Variants in PTPN3 observed in about 807,000 individuals in gnomAD.
The protein encoded by PTPN3 is protein tyrosine phosphatase non-receptor type 3.
PTPN3 carries 96 observed loss-of-function variants against 132.7 expected under a neutral mutation model. The ratio of observed to expected loss-of-function variants is 0.72; its 90% confidence interval spans 0.61 to 0.86. The LOEUF is 0.86. Among genes scored for constraint, PTPN3 ranks in the 40% least tolerant of loss-of-function variants. The pLI is 0.00. For synonymous variants in PTPN3, 398 were observed against 429.0 expected (o/e 0.93, Z 0.89); for missense variants, 1,125 against 1,159.6 (o/e 0.97, Z 0.43).
intron 9 of PTPN3, among the ~76,000 whole-genome samples, chr9:109,435,459 C>A (rs1004712759): frequency 6.6e-6 from 1 of 152,148 alleles, no homozygotes; most frequent in African/African-American, 2.4e-5. Context: ...GAAGCAGCCT[C>A]GACTGCTGAG....
chr9:109,526,737 G>T, the PTPN3 span, among the ~76,000 whole-genome samples: 2 of 152,128 alleles, frequency 1.3e-5, no homozygotes, highest in Admixed American at 1.3e-4. Flanking sequence ...GGCAATAGAA[G>T]AAGATGAACA....
chr9:109,522,977 A>T, the PTPN3 span, among the ~76,000 whole-genome samples: 36 of 152,140 alleles, frequency 2.4e-4, no homozygotes, highest in South Asian at 4.2e-4. Flanking sequence ...AAGTTTACTT[A>T]GCTGTTCTAT....
chr9:109,478,891 G>A (rs545335969), intron 1 of PTPN3, among the ~76,000 whole-genome samples: 14 of 152,296 alleles, frequency 9.2e-5, no homozygotes, highest in South Asian at 2.1e-4. Flanking sequence ...GTGACCCAGC[G>A]GCAGGGCAGA....
rs1564361665 is a variant in PTPN3 at position 109,377,437 on chromosome 9, C to CACACACACACAA, written c.*2118_*2119insTTGTGTGTGTGT. 1 of 148,488 alleles carries CACACACACACAA rather than the reference C, an allele frequency of 6.7e-6. No individual in the cohort carries two copies. The highest frequency in any genetic ancestry group is 2.6e-5 in the African/African-American group (1 of 39,070). The allele number at this position is 148,488 out of a possible 1,614,324, so 9.2% of individuals were successfully genotyped here. On this transcript the variant is annotated 3_prime_UTR_variant, in exon 26 of 26. Coordinates refer to ENST00000374541, the MANE Select transcript of PTPN3 (RefSeq NM_002829.4). ...ACACACACACACACACACACACACA[C>CACACACACACAA]ACACACACACACACACACACAAGCC...
intron 19 of PTPN3, among the ~76,000 whole-genome samples, chr9:109,395,854 ATTTTT>A (rs200143586): frequency 4.7e-5 from 5 of 106,106 alleles, no homozygotes; most frequent in Admixed American, 1.0e-4. Flanking sequence ...TCAAGTTCCT[ATTTTT>A]TTTTTTTTTT....
At chr9:109,424,547 C>T (rs777418136) in intron 12 of PTPN3, among the ~76,000 whole-genome samples, 1 of 152,242 alleles carries the variant, frequency 6.6e-6, no homozygotes, top group Non-Finnish European at 1.5e-5. Context: ...ACGGTTCTGC[C>T]TTTCGCTCCT....
rs910633624 is a variant in PTPN3, at chr9:109,433,238, G to A, written c.676-77C>T. The A allele has an allele frequency of 2.7e-5, 43 of 1,579,214 alleles. No individual in the cohort carries two copies. The Middle Eastern group carries it at 6.7e-4, about 24-fold the overall frequency. ...CCTCTGGTGACTTTAAAGCACCCACGCTGTTATAAATAGTCATATGTATAG... is the reference window on the plus strand; with the variant it reads ...CCTCTGGTGACTTTAAAGCACCCACACTGTTATAAATAGTCATATGTATAG... On this transcript the variant is annotated intron_variant, in intron 9 of 25. Coordinates refer to ENST00000374541, the MANE Select transcript of PTPN3 (RefSeq NM_002829.4).
intron 2 of PTPN3, among the ~76,000 whole-genome samples, chr9:109,462,161 G>A (rs1845873584): frequency 6.6e-6 from 1 of 152,234 alleles, no homozygotes; most frequent in African/African-American, 2.4e-5. Context: ...TCTCTGCCAG[G>A]CGAAGGGCCC....
At chr9:109,497,142 G>C (rs966418961) in intron 1 of PTPN3, among the ~76,000 whole-genome samples, 3 of 152,046 alleles carry the variant, frequency 2.0e-5, no homozygotes, top group South Asian at 2.1e-4. Flanking sequence ...CCTTGACTTC[G>C]GCAGAAGTTC....
In PTPN3 at chr9:109,485,376, TG is replaced by T. The variant is rs374310740; in HGVS notation, c.-18+12842del. Among the ~76,000 whole-genome samples, 844 of 152,002 alleles carry T rather than the reference TG, an allele frequency of 5.6e-3. 9 individuals are homozygous for T. The highest frequency in any genetic ancestry group is 0.02 in the African/African-American group (814 of 41,460). On this transcript the variant is annotated intron_variant, in intron 1 of 25. Transcript: ENST00000374541. ...AAAAAAAATTAGCTGGGCGTGGTGG[TG>T]GGCGCCTGCAGTCCCAGCTACGCGG...
At chr9:109,382,859 G>A (rs899873473) in intron 23 of PTPN3, among the ~76,000 whole-genome samples, 8 of 148,186 alleles carry the variant, frequency 5.4e-5, no homozygotes, top group Admixed American at 2.1e-4. Context: ...TCGCAATGTT[G>A]TAGAGCCATC....
chr9:109,389,224 G>T lies in PTPN3; in HGVS notation c.2253+9C>A, dbSNP rs371538209. On this transcript the variant is annotated intron_variant, in intron 22 of 25. Transcript: ENST00000374541. ...TGCACACATCTGAATTAGAAATCAAGCTACTTACCCGCCCTCGTTCTGTGA... is the reference window on the plus strand; with the variant it reads ...TGCACACATCTGAATTAGAAATCAATCTACTTACCCGCCCTCGTTCTGTGA... The T allele has an allele frequency of 1.9e-6, 3 of 1,613,828 alleles. No homozygotes were observed. Among genetic ancestry groups the T allele is most frequent in the African/African-American group, 1.3e-5 (1 of 75,024 alleles).
At chr9:109,398,353 A>G (rs1298402859) in intron 19 of PTPN3, among the ~76,000 whole-genome samples, 2 of 152,202 alleles carry the variant, frequency 1.3e-5, no homozygotes, top group Admixed American at 6.5e-5. Flanking sequence ...AACCTCTTAT[A>G]AAGTTTTCAG....
At chr9:109,509,268 A>G in the PTPN3 span, among the ~76,000 whole-genome samples, 1 of 152,216 alleles carries the variant, frequency 6.6e-6, no homozygotes, top group Admixed American at 6.5e-5. Flanking sequence ...ATAGTGCAGT[A>G]TCAATCATGG....
intron 14 of PTPN3, among the ~76,000 whole-genome samples, chr9:109,414,325 C>CT (rs1254566949): frequency 6.6e-6 from 1 of 152,202 alleles, no homozygotes; most frequent in Non-Finnish European, 1.5e-5. Flanking sequence ...TTCGGCAGGC[C>CT]TGTGTGGGTC....
chr9:109,418,935 C>T (rs574172942), intron 14 of PTPN3, among the ~76,000 whole-genome samples: 15 of 152,160 alleles, frequency 9.9e-5, no homozygotes, highest in Non-Finnish European at 1.5e-4. Context: ...CCGTTTTCTC[C>T]TTTTGCCAAA....
At chr9:109,501,229 T>C (rs1847860694), upstream of PTPN3, among the ~76,000 whole-genome samples, 1 of 152,214 alleles carries the variant, frequency 6.6e-6, no homozygotes, top group South Asian at 2.1e-4. Flanking sequence ...ACCATCACTC[T>C]ACAGAGTGGG....
At chr9:109,445,411 A>G in intron 6 of PTPN3, 119 bp from the exon 7 acceptor site, 1 of 926,782 alleles carries the variant, frequency 1.1e-6, no homozygotes, top group East Asian at 2.6e-5. Flanking sequence ...ACAAAACAAC[A>G]TGAATTGTAA....
chr9:109,404,552 C>T lies in PTPN3; in HGVS notation c.1849G>A (p.Glu617Lys), dbSNP rs752646788. The change falls in exon 19 of 26, where the codon GAA (glutamate) becomes AAA (lysine). Residue 617 changes from glutamate (E) to lysine (K), a missense_variant. Glu to Lys is a moderately conservative substitution (Grantham distance 56). Coordinates refer to ENST00000374541, the MANE Select transcript of PTPN3 (RefSeq NM_002829.4). Reference protein sequence around the residue: ...SEDELNQLFPEAIFPMCPEGG... With the variant: ...SEDELNQLFPKAIFPMCPEGG... Reference sequence around the variant, plus strand: ...TCCGGACACATGGGGAAAATGGCTTCGGGGAAAAGCTGGTTCAGTTCATCT... The same window carrying T: ...TCCGGACACATGGGGAAAATGGCTTTGGGGAAAAGCTGGTTCAGTTCATCT... 2.1e-5 allele frequency: 33 copies of T among 1,564,664 alleles called. No individual in the cohort carries two copies. Among genetic ancestry groups the T allele is most frequent in the African/African-American group, 9.4e-5 (7 of 74,536 alleles).
Sources: gnomAD v4.1 joint callset for allele counts (sites outside exome capture counted in the v4.1 genomes callset) on GRCh38, gnomAD v4.1.1 for gene constraint, MANE v1.5 for transcripts, NCBI Gene and HGNC (gene_info 2026-07-23, HGNC 2026-07-21) for gene names.